The following ST7 variants were observed in gnomAD, a reference collection of about 807,000 sequenced individuals.
The protein encoded by ST7 is suppression of tumorigenicity 7.
In ST7, 28 loss-of-function variants were observed where a neutral mutation model predicts 78.7. The ratio of observed to expected loss-of-function variants is 0.36; its 90% CI spans 0.26 to 0.49. The LOEUF is 0.49. Ranked by LOEUF, ST7 falls within the 20% of genes least tolerant of loss-of-function variation. The probability of loss-of-function intolerance (pLI) is 0.99; values close to 1 mark genes in which losing one functional copy is unlikely to be tolerated. For synonymous variants in ST7, 247 were observed against 249.6 expected (o/e 0.99, Z 0.10); for missense variants, 418 against 696.0 (o/e 0.60, Z 4.49).
chr7:117,089,865 C>T (rs892324433), intron 1 of ST7, among the ~76,000 whole-genome samples: 4 of 152,086 alleles, frequency 2.6e-5, no homozygotes, highest in African/African-American at 4.8e-5. Flanking sequence ...CCACCGCACC[C>T]GGCCTCAACA....
chr7:117,080,775 A>G (rs1239446071), intron 1 of ST7: 1 of 152,228 alleles, frequency 6.6e-6, no homozygotes, highest in Non-Finnish European at 1.5e-5. Flanking sequence ...AACATTCTGC[A>G]TTTAGGTACT....
intron 1 of ST7, among the ~76,000 whole-genome samples, chr7:117,081,940 G>A (rs1799813583): frequency 6.6e-6 from 1 of 151,958 alleles, no homozygotes. Context: ...CAGGATTTTG[G>A]GGGCTGGCTA....
intron 1 of ST7, among the ~76,000 whole-genome samples, chr7:117,006,293 C>T (rs1234254622): frequency 6.6e-6 from 1 of 152,254 alleles, no homozygotes; most frequent in Admixed American, 6.5e-5. Flanking sequence ...CTCTTTCCTT[C>T]TTACCATCCT....
intron 1 of ST7, among the ~76,000 whole-genome samples, chr7:117,045,642 A>G (rs1194417772): frequency 1.3e-5 from 2 of 152,196 alleles, no homozygotes; most frequent in Non-Finnish European, 1.5e-5. Context: ...AATGCATATT[A>G]TCTATCTTCC....
chr7:117,106,338 A>G (rs1318621116), intron 2 of ST7, among the ~76,000 whole-genome samples: 3 of 152,184 alleles, frequency 2.0e-5, no homozygotes, highest in African/African-American at 4.8e-5. Flanking sequence ...AGTTTGCAGC[A>G]AAGTCAGGCC....
chr7:117,130,424 C>A, intron 4 of ST7, 67 bp from the exon 5 acceptor site: 2 of 1,183,900 alleles, frequency 1.7e-6, no homozygotes, highest in Non-Finnish European at 2.4e-6. Context: ...GCCTCTGCAG[C>A]TTAATATTTT....
chr7:117,087,650 C>G (rs1364537124), intron 1 of ST7, among the ~76,000 whole-genome samples: 1 of 152,226 alleles, frequency 6.6e-6, no homozygotes, highest in South Asian at 2.1e-4. Flanking sequence ...ATGCTCTCCT[C>G]TTTACTGCCA....
At chr7:117,110,365 C>T (rs866015784) in intron 2 of ST7, among the ~76,000 whole-genome samples, 42 of 152,190 alleles carry the variant, frequency 2.8e-4, no homozygotes, top group Admixed American at 2.7e-3. Flanking sequence ...AGACTGTTAC[C>T]TACTTAGATG....
At chr7:117,038,400 A>T (rs1797007300) in intron 1 of ST7, among the ~76,000 whole-genome samples, 1 of 152,168 alleles carries the variant, frequency 6.6e-6, no homozygotes. Flanking sequence ...TTAACATGTC[A>T]GAGTTCATTT....
intron 1 of ST7, among the ~76,000 whole-genome samples, chr7:117,044,400 G>A (rs1797385362): frequency 6.6e-6 from 1 of 152,128 alleles, no homozygotes; most frequent in African/African-American, 2.4e-5. Flanking sequence ...GAGACAGAGT[G>A]CAGTGGCACA....
rs572494175 is a variant in ST7, at chr7:117,160,509, T to A, written c.964-10353T>A. Among the ~76,000 whole-genome samples, 18 of 151,482 alleles carry A rather than the reference T, an allele frequency of 1.2e-4. No individual in the cohort carries two copies. In the South Asian group the frequency reaches 3.8e-3, roughly 32 times the overall value. On this transcript the variant is annotated intron_variant, in intron 9 of 15. Transcript: ENST00000323984. ...AAAGTGGTGCTGCTCTTGACTTCTA[T>A]AATGTGCCCTCTCTCCCGTGACAAT...
intron 1 of ST7, among the ~76,000 whole-genome samples, chr7:117,077,655 T>A (rs1240093744): frequency 1.3e-5 from 2 of 152,184 alleles, no homozygotes; most frequent in Admixed American, 1.3e-4. Context: ...GATGACAATT[T>A]CATTGAGTTT....
chr7:117,197,600 A>G (rs1810437206), intron 12 of ST7, among the ~76,000 whole-genome samples: 1 of 152,248 alleles, frequency 6.6e-6, no homozygotes, highest in Non-Finnish European at 1.5e-5. Flanking sequence ...TGTTTAAAAA[A>G]GAAAGAAGGG....
At chr7:117,019,720 T>C (rs1409212160) in intron 1 of ST7, among the ~76,000 whole-genome samples, 3 of 152,260 alleles carry the variant, frequency 2.0e-5, no homozygotes, top group Non-Finnish European at 4.4e-5. Flanking sequence ...ATTTTACTGT[T>C]ACATTTGTAT....
chr7:117,065,176 A>G (rs115321142), intron 1 of ST7, among the ~76,000 whole-genome samples: 2,491 of 150,432 alleles, frequency 0.017, 80 homozygotes, highest in African/African-American at 0.058. Flanking sequence ...GAATAAAACT[A>G]GGAATTTGAG....
rs535421745 is a variant in ST7, at chr7:117,221,145, T to C, written c.1499-778T>C. Among the ~76,000 whole-genome samples the C allele has an allele frequency of 5.3e-4, 81 of 152,298 alleles. 1 individual carries two copies. The South Asian group carries it at 0.017, about 31-fold the overall frequency. On this transcript the variant is annotated intron_variant, in intron 14 of 15. Coordinates refer to ENST00000323984, the MANE Select transcript of ST7 (RefSeq NM_001369598.1). ...TCATGAGCACAGAGAAGGAGGCGAT[T>C]CTCTTGACCTCTGTACCACAGCTTT... is the stretch of plus-strand genomic sequence containing the variant.
At chr7:116,973,415 G>A (rs551406176) in intron 1 of ST7, among the ~76,000 whole-genome samples, 4 of 152,190 alleles carry the variant, frequency 2.6e-5, no homozygotes, top group Admixed American at 1.3e-4. Flanking sequence ...GTGCCACCAC[G>A]TCAGACTACT....
chr7:117,179,098 C>T (rs38868), intron 10 of ST7, among the ~76,000 whole-genome samples: 19,154 of 152,138 alleles, frequency 0.13, 2,261 homozygotes, highest in African/African-American at 0.31. Context: ...AGAGCACCAA[C>T]ACAATTTCAA....
At chr7:116,974,658 A>G (rs1793607682) in intron 1 of ST7, among the ~76,000 whole-genome samples, 1 of 152,160 alleles carries the variant, frequency 6.6e-6, no homozygotes, top group Admixed American at 6.5e-5. Flanking sequence ...AAATTTTACC[A>G]AGTTCCGAAC....
Sources: gnomAD v4.1 joint callset for allele counts (sites outside exome capture counted in the v4.1 genomes callset) on GRCh38, gnomAD v4.1.1 for gene constraint, MANE v1.5 for transcripts, NCBI Gene and HGNC (gene_info 2026-07-23, HGNC 2026-07-21) for gene names.